ANOS1: variants seen among roughly 807,000 people sequenced by gnomAD.
ANOS1 encodes anosmin-1.
In ANOS1, 6 loss-of-function variants were observed where a neutral mutation model predicts 59.0. The observed-to-expected ratio is 0.10, with a 90% CI of 0.06 to 0.20. The LOEUF is 0.20. ANOS1 is among the 10% of genes least tolerant of loss of function. ANOS1 has a pLI of 1.00. For synonymous variants in ANOS1, 217 were observed against 223.4 expected (o/e 0.97, Z 0.25); for missense variants, 433 against 542.3 (o/e 0.80, Z 2.00).
chrX:8,588,761 T>C (rs948226934), intron 4 of ANOS1, among the ~76,000 whole-genome samples: 1 of 112,399 alleles, frequency 8.9e-6, no homozygotes, highest in Non-Finnish European at 1.9e-5. Context: ...AACTGATACA[T>C]TGAAGAACCA....
chrX:8,730,140 A>C (rs1007072475), intron 1 of ANOS1, among the ~76,000 whole-genome samples: 5 of 111,469 alleles, frequency 4.5e-5, no homozygotes, highest in Non-Finnish European at 9.4e-5. Flanking sequence ...ACAATTCAAG[A>C]AAAAGAAAAA....
At chrX:8,677,441 G>A (rs1177344331) in intron 2 of ANOS1, among the ~76,000 whole-genome samples, 5 of 111,654 alleles carry the variant, frequency 4.5e-5, no homozygotes, top group South Asian at 3.7e-4. Flanking sequence ...CATACTGAAC[G>A]GAATTGCTTT....
chrX:8,549,539 A>G (rs1368763524), intron 9 of ANOS1, among the ~76,000 whole-genome samples: 2 of 112,559 alleles, frequency 1.8e-5, no homozygotes, highest in Non-Finnish European at 3.7e-5. Flanking sequence ...AGGAGAAAAC[A>G]TTGAGAGTCA....
chrX:8,549,491 A>G (rs1929822954), intron 9 of ANOS1, among the ~76,000 whole-genome samples: 1 of 112,662 alleles, frequency 8.9e-6, no homozygotes, highest in Non-Finnish European at 1.9e-5. Flanking sequence ...TTGGACAATT[A>G]AATCATGTCT....
At chrX:8,731,169 G>T (rs1932973049) in intron 1 of ANOS1, among the ~76,000 whole-genome samples, 1 of 112,207 alleles carries the variant, frequency 8.9e-6, no homozygotes, top group South Asian at 3.7e-4. Flanking sequence ...GACGCTCTAC[G>T]CTAGTCCAGG....
At chrX:8,614,190 TCTCTGAC>T (rs1931119196) in intron 3 of ANOS1, among the ~76,000 whole-genome samples, 1 of 111,317 alleles carries the variant, frequency 9.0e-6, no homozygotes, top group Non-Finnish European at 1.9e-5. Flanking sequence ...GCTCCATGTA[TCTCTGAC>T]CTCACACTCC....
At chrX:8,683,693 T>G (rs1017615510) in intron 2 of ANOS1, among the ~76,000 whole-genome samples, 6 of 111,889 alleles carry the variant, frequency 5.4e-5, no homozygotes, top group African/African-American at 1.9e-4. Context: ...TCCTTTAGAT[T>G]ATGGTGATTG....
At position 8,560,374 on chromosome X, in the gene ANOS1, T is replaced by C. The variant is rs776575483; in HGVS notation, c.1208-6276A>G. 4.5e-5 allele frequency among the ~76,000 whole-genome samples: 5 copies of C among 112,151 alleles called. No homozygotes were observed. The South Asian group carries it at 1.9e-3, about 42-fold the overall frequency. ...TGAAATTAAGCAGGGGTCAGTAAACTAAACTTTTCTTAAATGGCCAGATAG... is the reference window on the plus strand; with the variant it reads ...TGAAATTAAGCAGGGGTCAGTAAACCAAACTTTTCTTAAATGGCCAGATAG... On this transcript the variant is annotated intron_variant, in intron 8 of 13. Transcript: ENST00000262648.
At chrX:8,570,732 T>G in intron 6 of ANOS1, 28 bp from the exon 7 acceptor site, 4 of 1,148,169 alleles carry the variant, frequency 3.5e-6, no homozygotes, top group Non-Finnish European at 4.8e-6. Flanking sequence ...AGACACATCA[T>G]ATGACTCCAC....
chrX:8,719,086 C>T (rs192211521), intron 1 of ANOS1, among the ~76,000 whole-genome samples: 242 of 112,141 alleles, frequency 2.2e-3, no homozygotes, highest in Non-Finnish European at 3.0e-3. Context: ...CCTTGGCATA[C>T]TGGATTTGTT....
intron 1 of ANOS1, among the ~76,000 whole-genome samples, chrX:8,709,908 AC>A (rs1380353764): frequency 9.1e-6 from 1 of 110,398 alleles, no homozygotes; most frequent in Non-Finnish European, 1.9e-5. Flanking sequence ...ATGATTGAAA[AC>A]CATTATTTGT....
chrX:8,594,699 CACATATATAT>C (rs1930695462), intron 4 of ANOS1, among the ~76,000 whole-genome samples: 1 of 26,647 alleles, frequency 3.8e-5, no homozygotes, highest in Non-Finnish European at 7.2e-5. Flanking sequence ...TATATATATA[CACATATATAT>C]ACACATATAT....
chrX:8,666,492 T>C (rs943970918), intron 2 of ANOS1, among the ~76,000 whole-genome samples: 3 of 111,917 alleles, frequency 2.7e-5, no homozygotes, highest in Non-Finnish European at 5.6e-5. Context: ...AGAAAATAAA[T>C]ACATATACAC....
intron 1 of ANOS1, among the ~76,000 whole-genome samples, chrX:8,716,312 C>T (rs938974284): frequency 8.9e-6 from 1 of 111,848 alleles, no homozygotes; most frequent in Non-Finnish European, 1.9e-5. Flanking sequence ...TTGCCAAAGA[C>T]GCAAGGAAAG....
At chrX:8,602,785 C>T (rs773661775) in intron 3 of ANOS1, among the ~76,000 whole-genome samples, 1 of 110,805 alleles carries the variant, frequency 9.0e-6, no homozygotes, top group South Asian at 3.8e-4. Flanking sequence ...TGTCGCCAGG[C>T]TAGAGTACAC....
intron 2 of ANOS1, among the ~76,000 whole-genome samples, chrX:8,667,496 C>T (rs1198153116): frequency 1.8e-5 from 2 of 111,059 alleles, no homozygotes; most frequent in African/African-American, 6.6e-5. Flanking sequence ...TAATTTTAGA[C>T]AAAAACAGAG....
intron 2 of ANOS1, among the ~76,000 whole-genome samples, chrX:8,653,924 T>G (rs749139435): frequency 8.8e-4 from 99 of 112,392 alleles, no homozygotes; most frequent in African/African-American, 3.1e-3. Context: ...TGTTTTCATG[T>G]TAAATTGTAT....
chrX:8,725,302 A>C (rs1029192077), intron 1 of ANOS1, among the ~76,000 whole-genome samples: 6 of 110,231 alleles, frequency 5.4e-5, no homozygotes, highest in African/African-American at 2.0e-4. Context: ...TAACACTTTC[A>C]TAAGTCTCTC....
chrX:8,594,723 T>G (rs1156260930), intron 4 of ANOS1, among the ~76,000 whole-genome samples: 1 of 80,260 alleles, frequency 1.2e-5, no homozygotes, highest in African/African-American at 4.8e-5. Flanking sequence ...CATATATATA[T>G]CTACATATAT....
Sources: allele counts gnomAD v4.1 joint callset (sites outside exome capture counted in the v4.1 genomes callset), GRCh38; gene constraint gnomAD v4.1.1; transcripts MANE v1.5; gene names NCBI Gene and HGNC (gene_info 2026-07-23, HGNC 2026-07-21).